Variants in DMD observed in about 807,000 individuals in gnomAD.
DMD encodes dystrophin.
In DMD, 63 loss-of-function variants were observed where a neutral mutation model predicts 330.1. The ratio of observed to expected loss-of-function variants is 0.19; its 90% CI spans 0.16 to 0.24. The LOEUF (loss-of-function observed/expected upper bound fraction) is 0.24, where lower values mean the gene tolerates loss of function less well. Ranked by LOEUF, DMD falls within the 10% of genes least tolerant of loss-of-function variation. The probability of loss-of-function intolerance (pLI) is 1.00; values close to 1 mark genes in which losing one functional copy is unlikely to be tolerated. For synonymous variants in DMD, 1,223 were observed against 959.8 expected (o/e 1.27, Z -5.07); for missense variants, 3,344 against 2,684.1 (o/e 1.25, Z -5.43).
At chrX:32,648,638 G>C (rs1483818560) in intron 9 of DMD, among the ~76,000 whole-genome samples, 1 of 111,619 alleles carries the variant, frequency 9.0e-6, no homozygotes, top group African/African-American at 3.3e-5. Context: ...TAGAATTTCA[G>C]ACTAAGCAAA....
At chrX:32,433,595 T>G (rs1180312979) in intron 29 of DMD, among the ~76,000 whole-genome samples, 2 of 111,181 alleles carry the variant, frequency 1.8e-5, no homozygotes, top group East Asian at 5.6e-4. Context: ...AGATAATCGC[T>G]TGAACCCGGG....
intron 44 of DMD, among the ~76,000 whole-genome samples, chrX:32,078,164 C>G (rs1404121581): frequency 3.6e-5 from 4 of 112,119 alleles, no homozygotes; most frequent in South Asian, 3.7e-4. Context: ...ACTTTTTGAA[C>G]AAATCTGCTC....
rs1368237586 is a variant in DMD, at chrX:32,844,789, G to A, written c.258C>T (p.Asn86=). 3 of 1,207,444 alleles carry A rather than the reference G, an allele frequency of 2.5e-6. No homozygotes were observed. Among genetic ancestry groups the A allele is most frequent in the Non-Finnish European group, 3.4e-6 (3 of 892,878 alleles). Residue 86 remains asparagine, a synonymous_variant, in exon 4 of 79, where the codon AAC becomes AAT. Transcript: ENST00000357033. Reference sequence around the variant, plus strand: ...TGTCCAGGGTACTACTTACATTATTGTTCTGCAAAACCCGCAGTGCCTTGT... The same window carrying A: ...TGTCCAGGGTACTACTTACATTATTATTCTGCAAAACCCGCAGTGCCTTGT... ...NVNKALRVLQ[N]NNVDLVNIGS... is the part of the protein sequence containing the mutation.
intron 60 of DMD, among the ~76,000 whole-genome samples, chrX:31,349,018 ATGTCT>A (rs1474662778): frequency 2.7e-5 from 3 of 112,634 alleles, no homozygotes; most frequent in Admixed American, 9.4e-5. Flanking sequence ...CAGAAATGAC[ATGTCT>A]TGTCTTTAAG....
At chrX:33,159,720 C>G (rs759035238) in intron 1 of DMD, 7 of 111,400 alleles carry the variant, frequency 6.3e-5, no homozygotes, top group African/African-American at 9.8e-5. Flanking sequence ...AGTCTTTGCT[C>G]TTGGGAATAG....
intron 21 of DMD, 152 bp downstream of exon 21, chrX:32,484,767 T>C (rs912940267): frequency 8.9e-6 from 5 of 564,178 alleles, no homozygotes; most frequent in African/African-American, 2.3e-5. Context: ...AGCTTATCTG[T>C]TACACCAGTA....
chrX:31,390,959 T>C (rs1219492460), intron 60 of DMD, among the ~76,000 whole-genome samples: 1 of 111,459 alleles, frequency 9.0e-6, no homozygotes, highest in Non-Finnish European at 1.9e-5. Flanking sequence ...ACTTGCCTCC[T>C]TTTAGGTCAT....
At position 31,147,413 on chromosome X, in the gene DMD, G is replaced by A. The variant is rs780730103; in HGVS notation, c.10659C>T (p.Pro3553=). Reference sequence around the variant, plus strand: ...CCTCAGCAATGAGCTCAGCATCCCGGGGACTCTGGGGAGAGGTGGGCATCA... The same window carrying A: ...CCTCAGCAATGAGCTCAGCATCCCGAGGACTCTGGGGAGAGGTGGGCATCA... The part of the protein sequence containing the change: ...PEMMPTSPQS[P]RDAELIAEAK... Residue 3553 remains proline (P), a synonymous_variant, in exon 75 of 79, where the codon CCC becomes CCT. Transcript: ENST00000357033. The A allele has an allele frequency of 4.1e-6, 5 of 1,209,633 alleles. No individual in the cohort carries two copies. The highest frequency in any genetic ancestry group is 5.6e-6 in the Non-Finnish European group (5 of 894,601).
At chrX:32,457,150 G>C (rs1011155600) in intron 25 of DMD, among the ~76,000 whole-genome samples, 9 of 109,567 alleles carry the variant, frequency 8.2e-5, no homozygotes, top group Admixed American at 9.8e-5. Flanking sequence ...ATTGACAGTG[G>C]TCAGGGAAAA....
At chrX:31,297,637 C>T (rs1244681642) in intron 62 of DMD, among the ~76,000 whole-genome samples, 1 of 111,959 alleles carries the variant, frequency 8.9e-6, no homozygotes, top group Non-Finnish European at 1.9e-5. Context: ...TAATCTTTCC[C>T]TTATGAGTTT....
intron 59 of DMD, among the ~76,000 whole-genome samples, chrX:31,459,430 T>C (rs17340791): frequency 0.087 from 9,706 of 111,966 alleles, 303 homozygotes; most frequent in East Asian, 0.2. Flanking sequence ...TTAATTCCTG[T>C]ACTTCGGCAT....
chrX:33,210,305 C>T (rs1450347914), intron 1 of DMD, among the ~76,000 whole-genome samples: 1 of 109,616 alleles, frequency 9.1e-6, no homozygotes, highest in Non-Finnish European at 1.9e-5. Flanking sequence ...TAGGCATTGC[C>T]CTCATATCTA....
Position 32,656,898 on chromosome X carries a change from G to A in DMD, c.961-11746C>T, listed in dbSNP as rs191273293. Among the ~76,000 whole-genome samples, 12 of 111,080 alleles carry A rather than the reference G, an allele frequency of 1.1e-4. No homozygotes were observed. The East Asian group carries it at 3.4e-3, about 31-fold the overall frequency. On this transcript the variant is annotated intron_variant, in intron 9 of 78. Transcript: ENST00000357033. ...CAATACCTTGAAAATGGAGTAATAT[G>A]GCATAAAATATTCATAGTTTCAAAT... is the stretch of plus-strand genomic sequence containing the variant.
At chrX:32,206,572 G>A (rs907426276) in intron 44 of DMD, 34 of 679,405 alleles carry the variant, frequency 5.0e-5, no homozygotes, top group Middle Eastern at 4.8e-4. Context: ...AACACCCAAA[G>A]GACCTAGTTC....
chrX:31,277,923 C>G (rs1323759279), intron 62 of DMD, among the ~76,000 whole-genome samples: 1 of 108,766 alleles, frequency 9.2e-6, no homozygotes, highest in African/African-American at 3.4e-5. Flanking sequence ...ATCTGGGTAA[C>G]AGGTCATGAG....
chrX:31,276,753 C>T (rs2052159862), intron 62 of DMD, among the ~76,000 whole-genome samples: 1 of 111,935 alleles, frequency 8.9e-6, no homozygotes. Flanking sequence ...TTAGAATGAA[C>T]AATCCACCAC....
chrX:32,223,205 G>A (rs2097137175), intron 43 of DMD, among the ~76,000 whole-genome samples: 1 of 111,878 alleles, frequency 8.9e-6, no homozygotes, highest in African/African-American at 3.2e-5. Context: ...CCAAGATAAA[G>A]GCTCTGGCAT....
At chrX:32,806,535 C>T (rs775084733) in intron 7 of DMD, among the ~76,000 whole-genome samples, 16 of 110,980 alleles carry the variant, frequency 1.4e-4, no homozygotes, top group African/African-American at 4.9e-4. Flanking sequence ...ATTAGATCAA[C>T]GAGACAGAAA....
At chrX:32,181,979 C>T (rs1449135162) in intron 44 of DMD, among the ~76,000 whole-genome samples, 2 of 112,039 alleles carry the variant, frequency 1.8e-5, no homozygotes, top group Non-Finnish European at 1.9e-5. Flanking sequence ...AATTAAGTTG[C>T]ATTTAATTTC....
Sources: gnomAD v4.1 joint callset for allele counts (sites outside exome capture counted in the v4.1 genomes callset) on GRCh38, gnomAD v4.1.1 for gene constraint, MANE v1.5 for transcripts, NCBI Gene and HGNC (gene_info 2026-07-23, HGNC 2026-07-21) for gene names.